The following FLT3 variants were observed in gnomAD, a reference collection of about 807,000 sequenced individuals.
The protein encoded by FLT3 is receptor-type tyrosine-protein kinase FLT3.
FLT3 carries 46 observed loss-of-function variants against 126.6 expected under a neutral mutation model. That is an observed-to-expected ratio of 0.36 (90% CI 0.29 to 0.46). The LOEUF (loss-of-function observed/expected upper bound fraction) is 0.46, where lower values mean the gene tolerates loss of function less well. Among genes scored for constraint, FLT3 ranks in the 20% least tolerant of loss-of-function variants. The pLI, the probability that FLT3 is intolerant of heterozygous loss-of-function variation, is 1.00. For missense variants in FLT3, 1,069 were observed against 1,190.3 expected (o/e 0.90, Z 1.50); for synonymous variants, 404 against 434.4 (o/e 0.93, Z 0.87).
chr13:28,087,456 T>G (rs1878748159), intron 1 of FLT3, among the ~76,000 whole-genome samples: 1 of 152,232 alleles, frequency 6.6e-6, no homozygotes, highest in South Asian at 2.1e-4. Context: ...TAAGATTTTC[T>G]CTTAGTCTCT....
At chr13:28,062,219 A>C in intron 2 of FLT3, 150 bp from the exon 3 acceptor site, 1 of 609,886 alleles carries the variant, frequency 1.6e-6, no homozygotes, top group Non-Finnish European at 2.9e-6. Context: ...CACGTTGCCG[A>C]CTGAAGGTCC....
At chr13:28,096,079 G>A (rs1027717257) in intron 1 of FLT3, among the ~76,000 whole-genome samples, 6 of 152,226 alleles carry the variant, frequency 3.9e-5, no homozygotes, top group Middle Eastern at 3.4e-3. Context: ...TTTAGGCTGG[G>A]CGCACTGGCT....
intron 15 of FLT3, among the ~76,000 whole-genome samples, chr13:28,029,319 G>A (rs7992631): frequency 0.17 from 25,190 of 152,108 alleles, 2,274 homozygotes; most frequent in Admixed American, 0.23. Context: ...TTGAACTGGG[G>A]AGGCAGAGGT....
At chr13:28,049,596 T>C in intron 7 of FLT3, 39 bp downstream of exon 7, 2 of 1,613,378 alleles carry the variant, frequency 1.2e-6, no homozygotes, top group East Asian at 2.2e-5. Flanking sequence ...TATTAGTTAA[T>C]TGTTCCTGCA....
At chr13:28,005,518 AG>A (rs554495041) in intron 23 of FLT3, among the ~76,000 whole-genome samples, 8 of 152,200 alleles carry the variant, frequency 5.3e-5, no homozygotes, top group Non-Finnish European at 8.8e-5. Context: ...TTATTCACTA[AG>A]GATGGCCACA....
intron 1 of FLT3, among the ~76,000 whole-genome samples, chr13:28,076,500 C>T (rs1471534594): frequency 6.6e-6 from 1 of 152,172 alleles, no homozygotes; most frequent in African/African-American, 2.4e-5. Flanking sequence ...GCCAACAATG[C>T]AACCCCAGTC....
intron 12 of FLT3, among the ~76,000 whole-genome samples, chr13:28,035,258 C>T (rs571844953): frequency 6.6e-6 from 1 of 152,206 alleles, no homozygotes; most frequent in African/African-American, 2.4e-5. Flanking sequence ...ATTCACCACA[C>T]TGGGAGTTTC....
At chr13:28,054,968 TTATA>T (rs1478601276) in intron 4 of FLT3, among the ~76,000 whole-genome samples, 1 of 152,256 alleles carries the variant, frequency 6.6e-6, no homozygotes, top group East Asian at 1.9e-4. Flanking sequence ...ACTTATTGAC[TTATA>T]TAGATTGTTT....
intron 23 of FLT3, among the ~76,000 whole-genome samples, chr13:28,007,010 G>T (rs7323345): frequency 6.6e-6 from 1 of 151,764 alleles, no homozygotes; most frequent in African/African-American, 2.4e-5. Context: ...CAAAGTGCTG[G>T]GATTACAGGC....
At chr13:28,061,495 G>A (rs1299920371) in intron 3 of FLT3, among the ~76,000 whole-genome samples, 1 of 152,186 alleles carries the variant, frequency 6.6e-6, no homozygotes, top group Non-Finnish European at 1.5e-5. Context: ...GCCAGGCGCA[G>A]TGACTCACAC....
At chr13:28,032,431 G>A (rs755446094) in intron 15 of FLT3, among the ~76,000 whole-genome samples, 25 of 152,100 alleles carry the variant, frequency 1.6e-4, no homozygotes, top group African/African-American at 5.8e-4. Flanking sequence ...GCAACATGGC[G>A]AAGCCCCATC....
At chr13:28,074,058 ACCCCATT>A (rs1270272146) in intron 1 of FLT3, among the ~76,000 whole-genome samples, 1 of 152,080 alleles carries the variant, frequency 6.6e-6, no homozygotes, top group African/African-American at 2.4e-5. Context: ...CCTGCTACCA[ACCCCATT>A]CCCCCACACC....
chr13:28,089,155 C>T (rs1034586104), intron 1 of FLT3, among the ~76,000 whole-genome samples: 2 of 152,186 alleles, frequency 1.3e-5, no homozygotes, highest in African/African-American at 4.8e-5. Context: ...CACATTGCTA[C>T]ACTGCTATTA....
At chr13:28,012,987 C>A (rs1053969284) in intron 23 of FLT3, among the ~76,000 whole-genome samples, 20 of 150,932 alleles carry the variant, frequency 1.3e-4, no homozygotes, top group African/African-American at 4.9e-4. Context: ...CATATACATT[C>A]TTTCTTTACC....
intron 23 of FLT3, among the ~76,000 whole-genome samples, chr13:28,004,763 A>G (rs1241099746): frequency 6.6e-6 from 1 of 152,230 alleles, no homozygotes; most frequent in Non-Finnish European, 1.5e-5. Flanking sequence ...GAGAAATCAA[A>G]TCATAGTCAA....
intron 9 of FLT3, among the ~76,000 whole-genome samples, chr13:28,044,214 C>T (rs867177619): frequency 2.7e-5 from 4 of 149,674 alleles, no homozygotes; most frequent in Non-Finnish European, 5.9e-5. Flanking sequence ...TTTGGCAGGC[C>T]GAGGTGGGCG....
intron 12 of FLT3, among the ~76,000 whole-genome samples, chr13:28,034,735 A>G (rs1229101732): frequency 6.6e-6 from 1 of 152,134 alleles, no homozygotes; most frequent in Non-Finnish European, 1.5e-5. Flanking sequence ...TGGGAGGATC[A>G]CTTGAGTCCA....
At chr13:28,077,128 G>GAAAGAGAA in intron 1 of FLT3, among the ~76,000 whole-genome samples, 2 of 16,102 alleles carry the variant, frequency 1.2e-4, no homozygotes, top group African/African-American at 1.8e-4. Context: ...AAAGAGAAAA[G>GAAAGAGAA]AAAGAAAGAA....
intron 9 of FLT3, 108 bp from the exon 10 acceptor site, chr13:28,037,396 C>G (rs1873930799): frequency 1.4e-6 from 1 of 700,244 alleles, no homozygotes; most frequent in African/African-American, 1.8e-5. Context: ...TCCTCACTTG[C>G]TAAAGTTCAC....
Sources: gnomAD v4.1 joint callset for allele counts (sites outside exome capture counted in the v4.1 genomes callset) on GRCh38, gnomAD v4.1.1 for gene constraint, MANE v1.5 for transcripts, NCBI Gene and HGNC (gene_info 2026-07-23, HGNC 2026-07-21) for gene names.